Variants in AGBL4 observed in about 807,000 individuals in gnomAD.
The protein encoded by AGBL4 is cytosolic carboxypeptidase 6.
In AGBL4, 58 loss-of-function variants were observed where a neutral mutation model predicts 66.4. The ratio of observed to expected loss-of-function variants is 0.87; its 90% CI spans 0.71 to 1.09. The LOEUF (loss-of-function observed/expected upper bound fraction) is 1.09. Among genes scored for constraint, AGBL4 ranks in the 50% least tolerant of loss-of-function variants. The probability of loss-of-function intolerance (pLI) is 0.00; values close to 1 mark genes in which losing one functional copy is unlikely to be tolerated. For missense variants in AGBL4, 579 were observed against 631.0 expected, an observed-to-expected ratio of 0.92 and a Z score of 0.88; for synonymous variants, 234 against 222.9, an observed-to-expected ratio of 1.05 and a Z score of -0.44.
At chr1:49,279,450 T>G (rs570977922) in intron 3 of AGBL4, among the ~76,000 whole-genome samples, 1 of 152,284 alleles carries the variant, frequency 6.6e-6, no homozygotes, top group African/African-American at 2.4e-5. Flanking sequence ...TTGAACACCT[T>G]TCAGTGGATT....
intron 3 of AGBL4, among the ~76,000 whole-genome samples, chr1:49,367,593 C>T (rs1218782467): frequency 6.6e-6 from 1 of 152,198 alleles, no homozygotes; most frequent in Non-Finnish European, 1.5e-5. Context: ...AAGAACCAGG[C>T]TTGGACAGGG....
chr1:49,713,163 A>G (rs1440751584), intron 2 of AGBL4, among the ~76,000 whole-genome samples: 1 of 151,996 alleles, frequency 6.6e-6, no homozygotes, highest in East Asian at 1.9e-4. Context: ...CCTACTCTTC[A>G]TTGCTATTTG....
At chr1:48,687,965 T>C (rs965080576) in intron 6 of AGBL4, among the ~76,000 whole-genome samples, 10 of 152,244 alleles carry the variant, frequency 6.6e-5, no homozygotes, top group African/African-American at 2.4e-4. Flanking sequence ...TCCATAGCAC[T>C]CATTACCCCC....
At chr1:49,219,349 T>G (rs960242969) in intron 4 of AGBL4, among the ~76,000 whole-genome samples, 3 of 152,208 alleles carry the variant, frequency 2.0e-5, no homozygotes, top group African/African-American at 4.8e-5. Context: ...GTTCTATTCT[T>G]ATTAGGAGAT....
At chr1:48,652,526 A>G (rs2148441179) in intron 8 of AGBL4, among the ~76,000 whole-genome samples, 1 of 152,316 alleles carries the variant, frequency 6.6e-6, no homozygotes, top group Middle Eastern at 3.4e-3. Context: ...CAGGGCAGAC[A>G]ATGCCTTGCA....
At chr1:49,486,140 A>C (rs1446306700) in intron 3 of AGBL4, among the ~76,000 whole-genome samples, 1 of 151,948 alleles carries the variant, frequency 6.6e-6, no homozygotes, top group Non-Finnish European at 1.5e-5. Flanking sequence ...GTCAGACCCC[A>C]GAGTCTGTCT....
chr1:49,894,356 G>A (rs1239862167), intron 1 of AGBL4, among the ~76,000 whole-genome samples: 2 of 152,078 alleles, frequency 1.3e-5, no homozygotes, highest in Admixed American at 6.6e-5. Flanking sequence ...AGGAAAATAC[G>A]ACTCTACCAA....
At chr1:50,023,720 C>T in intron 1 of AGBL4, 43 bp downstream of exon 1, 1 of 1,538,932 alleles carries the variant, frequency 6.5e-7, no homozygotes, top group South Asian at 1.2e-5. Flanking sequence ...CCCAGGACAG[C>T]CTGGCCGCCT....
chr1:48,936,471 T>C (rs1655486508), intron 5 of AGBL4, among the ~76,000 whole-genome samples: 1 of 152,168 alleles, frequency 6.6e-6, no homozygotes, highest in Non-Finnish European at 1.5e-5. Context: ...GGAAGCAGTT[T>C]GGTTACAGGA....
At chr1:49,861,521 C>T (rs1267931307) in intron 1 of AGBL4, among the ~76,000 whole-genome samples, 1 of 152,072 alleles carries the variant, frequency 6.6e-6, no homozygotes, top group Admixed American at 6.5e-5. Context: ...TCTAGACACA[C>T]CCTGGGATTT....
At chr1:48,580,975 A>C (rs1644730926) in intron 11 of AGBL4, among the ~76,000 whole-genome samples, 1 of 151,902 alleles carries the variant, frequency 6.6e-6, no homozygotes, top group African/African-American at 2.4e-5. Flanking sequence ...TCCTCCACGA[A>C]GCCTTTCTTC....
intron 1 of AGBL4, among the ~76,000 whole-genome samples, chr1:50,010,967 G>A (rs1453093593): frequency 6.6e-6 from 1 of 152,008 alleles, no homozygotes; most frequent in Admixed American, 6.6e-5. Flanking sequence ...ATGGACAAAT[G>A]GGATCACATC....
At chr1:49,454,492 A>G (rs563455260) in intron 3 of AGBL4, among the ~76,000 whole-genome samples, 1 of 151,872 alleles carries the variant, frequency 6.6e-6, no homozygotes, top group South Asian at 2.1e-4. Flanking sequence ...AATATATTCT[A>G]TGCTTTCCTG....
intron 4 of AGBL4, among the ~76,000 whole-genome samples, chr1:49,136,867 A>G (rs1410946145): frequency 6.6e-6 from 1 of 152,110 alleles, no homozygotes; most frequent in African/African-American, 2.4e-5. Context: ...AATTTGTTCT[A>G]TTTAGCTACA....
intron 5 of AGBL4, among the ~76,000 whole-genome samples, chr1:48,937,614 C>A (rs1655590271): frequency 6.6e-6 from 1 of 151,926 alleles, no homozygotes; most frequent in African/African-American, 2.4e-5. Context: ...TGTTTTTTTT[C>A]CTCTTTTTTT....
chr1:49,622,486 G>A (rs910594854), intron 3 of AGBL4, among the ~76,000 whole-genome samples: 54 of 150,844 alleles, frequency 3.6e-4, no homozygotes, highest in African/African-American at 8.7e-4. Context: ...AAAATTAGCC[G>A]GGCGTAGTGG....
chr1:49,062,665 T>C lies in AGBL4; in HGVS notation c.378-16865A>G, dbSNP rs149081420. 9.2e-5 allele frequency among the ~76,000 whole-genome samples: 14 copies of C among 152,266 alleles called. No individual in the cohort carries two copies. In the East Asian group the frequency reaches 2.7e-3, roughly 29 times the overall value. On this transcript the variant is annotated intron_variant, in intron 4 of 13. Transcript: ENST00000371839. ...ACCCCTAGAAGAGATGCAGAGGATT[T>C]TAATCATGTTCTCAATGACATCTTA...
intron 6 of AGBL4, among the ~76,000 whole-genome samples, chr1:48,712,716 C>T (rs538541920): frequency 1.4e-3 from 209 of 152,244 alleles, no homozygotes; most frequent in African/African-American, 4.8e-3. Context: ...ACACCAGGCA[C>T]GTTCTGGGGA....
chr1:49,700,994 T>C (rs1238832597), intron 2 of AGBL4, among the ~76,000 whole-genome samples: 1 of 152,136 alleles, frequency 6.6e-6, no homozygotes, highest in Non-Finnish European at 1.5e-5. Context: ...TACTTTGAAA[T>C]AGACTTTTAA....
Sources: gnomAD v4.1 joint callset for allele counts (sites outside exome capture counted in the v4.1 genomes callset) on GRCh38, gnomAD v4.1.1 for gene constraint, MANE v1.5 for transcripts, NCBI Gene and HGNC (gene_info 2026-07-23, HGNC 2026-07-21) for gene names.